The following TRDN variants were observed in gnomAD, a reference collection of about 807,000 sequenced individuals.
The protein encoded by TRDN is triadin.
In TRDN, 161 loss-of-function variants were observed where a neutral mutation model predicts 149.7. That is an observed-to-expected ratio of 1.08 (90% CI 0.95 to 1.23). The LOEUF is 1.23. Among genes scored for constraint, TRDN ranks in the 50% most tolerant of loss-of-function variants. TRDN has a pLI of 0.00. For synonymous variants in TRDN, 294 were observed against 250.5 expected, an observed-to-expected ratio of 1.17 and a Z score of -1.64; for missense variants, 896 against 823.5, an observed-to-expected ratio of 1.09 and a Z score of -1.08.
chr6:123,469,381 G>T (rs781676434), intron 9 of TRDN, among the ~76,000 whole-genome samples: 3 of 152,082 alleles, frequency 2.0e-5, no homozygotes, highest in Non-Finnish European at 4.4e-5. Flanking sequence ...GAGATATGGG[G>T]TGCTAACCAC....
chr6:123,378,821 T>C (rs1781608483), intron 16 of TRDN, among the ~76,000 whole-genome samples: 1 of 152,174 alleles, frequency 6.6e-6, no homozygotes, highest in Non-Finnish European at 1.5e-5. Flanking sequence ...AATGCTCCTT[T>C]TGGAGTCCTC....
intron 40 of TRDN, 112 bp from the exon 41 acceptor site, chr6:123,218,852 T>G: frequency 5.2e-6 from 6 of 1,163,924 alleles, no homozygotes; most frequent in Non-Finnish European, 7.2e-6. Context: ...GCAGCCTCCG[T>G]AGCTGTTGGC....
intron 14 of TRDN, among the ~76,000 whole-genome samples, chr6:123,384,690 A>T (rs536522508): frequency 6.6e-6 from 1 of 152,340 alleles, no homozygotes; most frequent in South Asian, 2.1e-4. Context: ...ATGAAAGAAT[A>T]AAACACGATA....
chr6:123,356,300 T>C (rs1780669035), intron 20 of TRDN, among the ~76,000 whole-genome samples: 1 of 151,462 alleles, frequency 6.6e-6, no homozygotes, highest in Admixed American at 6.6e-5. Context: ...ATTCTTGTGA[T>C]GAATTATATC....
rs568462755 is a variant in TRDN, at chr6:123,594,290, T to A, written c.23-23158A>T. ...TAACATTCAAATAACCCTATTATTTTTACCTTATGAATCTATAACTGTAAA... is the reference window on the plus strand; with the variant it reads ...TAACATTCAAATAACCCTATTATTTATACCTTATGAATCTATAACTGTAAA... On this transcript the variant is annotated intron_variant, in intron 1 of 40. Coordinates refer to ENST00000334268, the MANE Select transcript of TRDN (RefSeq NM_006073.4). Among the ~76,000 whole-genome samples, 187 of 152,214 alleles carry A rather than the reference T, an allele frequency of 1.2e-3. 1 individual carries two copies. Among genetic ancestry groups the A allele is most frequent in the African/African-American group, 4.3e-3 (177 of 41,560 alleles).
chr6:123,481,898 GA>G, intron 9 of TRDN, among the ~76,000 whole-genome samples: 1 of 152,230 alleles, frequency 6.6e-6, no homozygotes, highest in East Asian at 1.9e-4. Flanking sequence ...CATGGCATGT[GA>G]AAAAGGGTTG....
rs940157505 is a variant in TRDN, at chr6:123,606,882, A to G, written c.22+29872T>C. Among the ~76,000 whole-genome samples, 50 of 152,196 alleles carry G rather than the reference A, an allele frequency of 3.3e-4. 1 individual carries two copies. The highest frequency in any genetic ancestry group is 2.8e-3 in the Admixed American group (43 of 15,266). On this transcript the variant is annotated intron_variant, in intron 1 of 40. Transcript: ENST00000334268. ...ATAGAAATGCTCATCTTTATACTAT[A>G]TACAATCATCTTTACCATTAGTGGC...
intron 23 of TRDN, among the ~76,000 whole-genome samples, chr6:123,328,533 G>T (rs1011546655): frequency 6.6e-6 from 1 of 151,700 alleles, no homozygotes; most frequent in African/African-American, 2.4e-5. Flanking sequence ...CCTTCCTCTC[G>T]CACCAATCTT....
intron 1 of TRDN, among the ~76,000 whole-genome samples, chr6:123,592,257 A>G (rs1263631902): frequency 6.6e-6 from 1 of 152,216 alleles, no homozygotes; most frequent in Non-Finnish European, 1.5e-5. Context: ...GACTTTTTCT[A>G]TCTGGCCCCT....
In TRDN at chr6:123,218,574, GC is replaced by G. The variant is rs1562214810; in HGVS notation, c.*26del. On this transcript the variant is annotated 3_prime_UTR_variant, in exon 41 of 41. Transcript: ENST00000334268. ...AACATCACATTTTTAAAATCTTAAA[GC>G]ACTTGTAAGGGTCATACATGTGTGT... 6.3e-7 allele frequency: 1 copy of G among 1,586,518 alleles called. No individual in the cohort carries two copies. The highest frequency in any genetic ancestry group is 1.1e-5 in the South Asian group (1 of 87,354).
chr6:123,362,789 C>G (rs1406375319), intron 20 of TRDN, among the ~76,000 whole-genome samples: 2 of 152,056 alleles, frequency 1.3e-5, no homozygotes, highest in African/African-American at 4.8e-5. Context: ...AATAAAGTTT[C>G]ACCTATTTTT....
At chr6:123,392,769 G>A (rs939381734) in intron 13 of TRDN, among the ~76,000 whole-genome samples, 1 of 151,968 alleles carries the variant, frequency 6.6e-6, no homozygotes, top group African/African-American at 2.4e-5. Flanking sequence ...GATTCTGCAT[G>A]TTGCTGGGTC....
At chr6:123,256,895 T>A (rs928099829) in intron 35 of TRDN, among the ~76,000 whole-genome samples, 15 of 152,102 alleles carry the variant, frequency 9.9e-5, no homozygotes, top group Admixed American at 6.6e-4. Flanking sequence ...TCTTTGTCCA[T>A]GTCTATGTCC....
chr6:123,340,424 T>C (rs1403469588), intron 21 of TRDN, among the ~76,000 whole-genome samples: 2 of 152,116 alleles, frequency 1.3e-5, no homozygotes, highest in Non-Finnish European at 2.9e-5. Context: ...TTAATACAAA[T>C]ATTTTGTTGG....
chr6:123,629,612 C>G (rs80074691), intron 1 of TRDN, among the ~76,000 whole-genome samples: 3,187 of 152,146 alleles, frequency 0.021, 118 homozygotes, highest in East Asian at 0.17. Context: ...GCACAGATAA[C>G]AAATTAGAAA....
chr6:123,361,763 T>A (rs2114341644), intron 20 of TRDN, among the ~76,000 whole-genome samples: 1 of 152,318 alleles, frequency 6.6e-6, no homozygotes, highest in East Asian at 1.9e-4. Flanking sequence ...ATTGGAAGTT[T>A]TTTTTTCTGC....
Position 123,218,353 on chromosome 6 carries a change from A to G in TRDN, c.*248T>C. 1 of 399,032 alleles carries G rather than the reference A, an allele frequency of 2.5e-6. No individual in the cohort carries two copies. The highest frequency in any genetic ancestry group is 4.5e-6 in the Non-Finnish European group (1 of 220,496). The allele number at this position is 399,032 out of a possible 1,614,324, so 24.7% of individuals were successfully genotyped here. ...GTACAACCTTATAGTGACTGGAAAT[A>G]AGATAAATACAAGCACCCCCTCCCA... is the stretch of plus-strand genomic sequence containing the variant. On this transcript the variant is annotated 3_prime_UTR_variant, in exon 41 of 41. Coordinates refer to ENST00000334268, the MANE Select transcript of TRDN (RefSeq NM_006073.4).
chr6:123,277,616 A>C (rs1777418376), intron 26 of TRDN, among the ~76,000 whole-genome samples: 2 of 152,144 alleles, frequency 1.3e-5, no homozygotes, highest in South Asian at 4.1e-4. Flanking sequence ...ATGGAGGCAG[A>C]GTTTGAAAGT....
intron 10 of TRDN, among the ~76,000 whole-genome samples, chr6:123,448,677 C>T (rs964257473): frequency 1.7e-4 from 26 of 152,086 alleles, no homozygotes; most frequent in Non-Finnish European, 2.8e-4. Flanking sequence ...CAAAAGGCCA[C>T]GCCCACTACT....
Sources: gnomAD v4.1 joint callset for allele counts (sites outside exome capture counted in the v4.1 genomes callset) on GRCh38, gnomAD v4.1.1 for gene constraint, MANE v1.5 for transcripts, NCBI Gene and HGNC (gene_info 2026-07-23, HGNC 2026-07-21) for gene names.